Variants in CFAP46 observed in about 807,000 individuals in gnomAD.
CFAP46 encodes the protein cilia and flagella associated protein 46.
CFAP46 carries 245 observed loss-of-function variants against 325.7 expected under a neutral mutation model. The observed-to-expected ratio is 0.75, with a 90% CI of 0.68 to 0.84. The LOEUF is 0.84. Ranked by LOEUF, CFAP46 falls within the 40% of genes least tolerant of loss-of-function variation. The probability of loss-of-function intolerance (pLI) is 0.00; values close to 1 mark genes in which losing one functional copy is unlikely to be tolerated. For missense variants in CFAP46, 3,346 were observed against 3,543.0 expected (o/e 0.94, Z 1.41); for synonymous variants, 1,523 against 1,495.9 (o/e 1.02, Z -0.42).
In CFAP46 at chr10:132,828,301, C is replaced by T. The variant is rs1564769465; in HGVS notation, c.7117+5057G>A. 6.6e-6 allele frequency among the ~76,000 whole-genome samples: 1 copy of T among 152,246 alleles called. No homozygotes were observed. The highest frequency in any genetic ancestry group is 1.5e-5 in the Non-Finnish European group (1 of 68,048). Reference sequence around the variant, plus strand: ...AAACTGTCTTCCAAAGTGGCTCCAGCATTCACCATTCCCACCAGCCGAGTA... The same window carrying T: ...AAACTGTCTTCCAAAGTGGCTCCAGTATTCACCATTCCCACCAGCCGAGTA... On this transcript the variant is annotated intron_variant, in intron 50 of 57. Transcript: ENST00000368586. The surrounding 1 kb of genome is among the most constrained non-coding windows in gnomAD (Gnocchi z 4.9).
intron 11 of CFAP46, among the ~76,000 whole-genome samples, chr10:132,924,225 CCTG>C: frequency 6.6e-6 from 1 of 151,886 alleles, no homozygotes; most frequent in African/African-American, 2.4e-5. Flanking sequence ...CATGGTCCAC[CCTG>C]ATGCCTGCCG....
In CFAP46 at chr10:132,877,971, C is replaced by T. The variant is rs1175921653; in HGVS notation, c.4122G>A (p.Glu1374=). The T allele has an allele frequency of 1.9e-6, 3 of 1,550,440 alleles. No homozygotes were observed. The South Asian group carries it at 3.6e-5, about 18-fold the overall frequency. ...TCTCCTTCTCTTTACTCCTCTCCTT[C>T]TCCTTCTCTTTACTCCTCTCATTCT... ...EKENERSKEK[E]KERSKEKENE... is the part of the protein sequence containing the mutation. Residue 1374 remains glutamate (E), a synonymous_variant, in exon 30 of 58, where the codon GAG becomes GAA. Coordinates refer to ENST00000368586, the MANE Select transcript of CFAP46 (RefSeq NM_001200049.3). The surrounding 1 kb of genome is among the most constrained non-coding windows in gnomAD (Gnocchi z 5.7).
intron 7 of CFAP46, among the ~76,000 whole-genome samples, chr10:132,935,207 G>A (rs923885726): frequency 2.0e-5 from 3 of 152,058 alleles, no homozygotes; most frequent in Admixed American, 6.6e-5. Flanking sequence ...CTCTCTCCCA[G>A]GGATGCTGCC....
rs1174668412 is a variant in CFAP46, at chr10:132,817,049, ATC to A, written c.7118-2137_7118-2136del. ...AAGATTGTTAATTATGTCGCCCTGAATCTCTCTCTTTTTGCTCTTTGTCTGGA... is the reference window on the plus strand; with the variant it reads ...AAGATTGTTAATTATGTCGCCCTGAATCTCTCTTTTTGCTCTTTGTCTGGA... On this transcript the variant is annotated intron_variant, in intron 50 of 57. Transcript: ENST00000368586. The surrounding 1 kb of genome is among the most constrained non-coding windows in gnomAD (Gnocchi z 4.4). Among the ~76,000 whole-genome samples the A allele has an allele frequency of 6.6e-6, 1 of 152,052 alleles. No homozygotes were observed. Among genetic ancestry groups the A allele is most frequent in the East Asian group, 1.9e-4 (1 of 5,182 alleles).
At chr10:132,837,757 A>G (rs886600180) in intron 44 of CFAP46, among the ~76,000 whole-genome samples, 18 of 125,578 alleles carry the variant, frequency 1.4e-4, no homozygotes, top group Non-Finnish European at 1.8e-4. Flanking sequence ...GCGCACGGAC[A>G]CACACGCACA....
At chr10:132,841,878 C>T (rs1848350153) in intron 44 of CFAP46, among the ~76,000 whole-genome samples, 1 of 152,122 alleles carries the variant, frequency 6.6e-6, no homozygotes, top group Admixed American at 6.5e-5. Context: ...CAGTGCAATT[C>T]TGCCCTCCAT....
intron 22 of CFAP46, among the ~76,000 whole-genome samples, chr10:132,903,326 G>A (rs1405389445): frequency 6.6e-6 from 1 of 152,186 alleles, no homozygotes; most frequent in Non-Finnish European, 1.5e-5. Context: ...CACCAGACAG[G>A]CACAGACTCA....
intron 19 of CFAP46, among the ~76,000 whole-genome samples, chr10:132,911,133 C>A (rs1457348401): frequency 1.3e-5 from 2 of 152,246 alleles, no homozygotes; most frequent in African/African-American, 4.8e-5. Flanking sequence ...CCACGGCGCC[C>A]TCCCCTCCGC....
At chr10:132,863,648 T>G (rs962005873) in intron 35 of CFAP46, among the ~76,000 whole-genome samples, 1 of 151,076 alleles carries the variant, frequency 6.6e-6, no homozygotes, top group African/African-American at 2.4e-5. Flanking sequence ...TCCCTCTTCC[T>G]GAGACGTGCA....
chr10:132,941,082 C>A, intron 3 of CFAP46, 22 bp from the exon 4 acceptor site: 2 of 1,613,602 alleles, frequency 1.2e-6, no homozygotes, highest in Non-Finnish European at 1.7e-6. Context: ...TAAAGAAGCA[C>A]AATTAGACCG....
chr10:132,926,908 G>A (rs1019087031), intron 9 of CFAP46, among the ~76,000 whole-genome samples: 2 of 152,232 alleles, frequency 1.3e-5, no homozygotes, highest in South Asian at 4.1e-4. Context: ...AGGGTCCTGA[G>A]TTTGCCCTTT....
chr10:132,846,161 G>T lies in CFAP46; in HGVS notation c.6334C>A (p.Gln2112Lys), dbSNP rs770194115. ...TGTAGCTGCAGCAGGGCCGCCAGCTGTGAGCTGCTGGTGTTGGCTGTGGCT... is the reference window on the plus strand; with the variant it reads ...TGTAGCTGCAGCAGGGCCGCCAGCTTTGAGCTGCTGGTGTTGGCTGTGGCT... ...LAATANTSSS[Q>K]LAALLQLQHQ... is the part of the protein sequence containing the mutation. Residue 2112 changes from glutamine to lysine, a missense_variant, in exon 44 of 58, where the codon CAG becomes AAG. By Grantham distance (53) the Gln-to-Lys change is moderately conservative. Coordinates refer to ENST00000368586, the MANE Select transcript of CFAP46 (RefSeq NM_001200049.3). 6.2e-6 allele frequency: 10 copies of T among 1,611,860 alleles called. No homozygotes were observed. Among genetic ancestry groups the T allele is most frequent in the Non-Finnish European group, 8.5e-6 (10 of 1,179,590 alleles).
At chr10:132,863,454 A>T (rs1023800386) in intron 35 of CFAP46, among the ~76,000 whole-genome samples, 1 of 152,122 alleles carries the variant, frequency 6.6e-6, no homozygotes, top group Non-Finnish European at 1.5e-5. Context: ...TTCCTTGGAC[A>T]AGCTCCCTTT....
chr10:132,878,202 G>C lies in CFAP46; in HGVS notation c.4006-115C>G. ...GACCCGCGGGGCTCCCCAGACTCTA[G>C]TGCTCTGGTGGTCTTGCGTCCCCGT... is the stretch of plus-strand genomic sequence containing the variant. On this transcript the variant is annotated intron_variant, in intron 29 of 57. Transcript: ENST00000368586. 4.2e-6 allele frequency: 4 copies of C among 946,746 alleles called. No homozygotes were observed. In the South Asian group the frequency reaches 4.7e-5, roughly 11 times the overall value. 58.6% of individuals were successfully genotyped at this position (946,746 alleles called of 1,614,324 possible).
At chr10:132,913,329 C>A (rs1479736357) in intron 17 of CFAP46, 71 bp from the exon 18 acceptor site, 7 of 839,586 alleles carry the variant, frequency 8.3e-6, no homozygotes, top group Non-Finnish European at 1.2e-5. Context: ...AGGAAGGCTG[C>A]GGGGCCTGTT....
At chr10:132,846,634 T>C (rs1217501603) in intron 43 of CFAP46, among the ~76,000 whole-genome samples, 1 of 148,810 alleles carries the variant, frequency 6.7e-6, no homozygotes, top group South Asian at 2.2e-4. Flanking sequence ...GCCGGGTCTC[T>C]GTGTCTGCCC....
At chr10:132,838,035 C>A (rs1419789067) in intron 44 of CFAP46, among the ~76,000 whole-genome samples, 1 of 152,000 alleles carries the variant, frequency 6.6e-6, no homozygotes, top group Non-Finnish European at 1.5e-5. Flanking sequence ...CCCCCATGCT[C>A]CCCTGGGGAA....
At chr10:132,850,564 C>A in intron 40 of CFAP46, 132 bp from the exon 41 acceptor site, 1 of 890,332 alleles carries the variant, frequency 1.1e-6, no homozygotes, top group South Asian at 1.8e-5. Context: ...AAAGCCTTGC[C>A]CCGCAGGGAG....
intron 44 of CFAP46, among the ~76,000 whole-genome samples, chr10:132,837,466 CACAG>C (rs200230647): frequency 0.095 from 14,381 of 150,672 alleles, 1,807 homozygotes; most frequent in African/African-American, 0.29. Flanking sequence ...CGCGGACATG[CACAG>C]ACACACACAT....
Sources: gnomAD v4.1 joint callset for allele counts (sites outside exome capture counted in the v4.1 genomes callset) on GRCh38, gnomAD v4.1.1 for gene constraint, Gnocchi (gnomAD v3.1) non-coding constraint, MANE v1.5 for transcripts, NCBI Gene and HGNC (gene_info 2026-07-23, HGNC 2026-07-21) for gene names.